Variants in CDC5L observed in about 807,000 individuals in gnomAD.
CDC5L encodes cell division cycle 5 like, also known as cell division cycle 5-like protein.
In CDC5L, 18 loss-of-function variants were observed where a neutral mutation model predicts 104.1. The ratio of observed to expected loss-of-function variants is 0.17; its 90% confidence interval spans 0.12 to 0.26. The LOEUF (loss-of-function observed/expected upper bound fraction) is 0.26, where lower values mean the gene tolerates loss of function less well. Ranked by LOEUF, CDC5L falls within the 10% of genes least tolerant of loss-of-function variation. The pLI, the probability that CDC5L is intolerant of heterozygous loss-of-function variation, is 1.00. For synonymous variants in CDC5L, 331 were observed against 322.7 expected (o/e 1.03, Z -0.28); for missense variants, 673 against 956.9 (o/e 0.70, Z 3.91).
Position 44,429,845 on chromosome 6 carries a change from C to A in CDC5L, c.2026C>A (p.Arg676Ser), listed in dbSNP as rs767195793. The A allele has an allele frequency of 6.2e-7, 1 of 1,613,970 alleles. No individual in the cohort carries two copies. The highest frequency in any genetic ancestry group is 8.5e-7 in the Non-Finnish European group (1 of 1,179,954). The change falls in exon 14 of 16, where the codon CGC (arginine) becomes AGC (serine). Residue 676 changes from arginine to serine, a missense_variant. This residue lies in a region of CDC5L where 578 missense variants were observed against 737.0 expected (regional missense o/e 0.78). Coordinates refer to ENST00000371477, the MANE Select transcript of CDC5L (RefSeq NM_001253.4). ...AGTTTTATATCTTCCTGGGCAGAGCCGCTACACACGGGCCAATCTGGCTAG... is the reference window on the plus strand; with the variant it reads ...AGTTTTATATCTTCCTGGGCAGAGCAGCTACACACGGGCCAATCTGGCTAG... ...SQVLYLPGQS[R>S]YTRANLASKK...
In CDC5L at chr6:44,404,138, A is replaced by G. The variant is rs1202904570; in HGVS notation, c.758+111A>G. 1.4e-5 allele frequency: 10 copies of G among 690,452 alleles called. 1 individual carries two copies. The highest frequency in any genetic ancestry group is 7.6e-5 in the African/African-American group (4 of 52,924). 42.8% of individuals were successfully genotyped at this position (690,452 alleles called of 1,614,324 possible). The stretch of plus-strand genomic sequence containing the variant: ...GATTTTTATTATTTATTTATTTTAC[A>G]TTTTTTAAAATCAATTTTTTTTTTG... On this transcript the variant is annotated intron_variant, in intron 6 of 15. Coordinates refer to ENST00000371477, the MANE Select transcript of CDC5L (RefSeq NM_001253.4).
intron 14 of CDC5L, among the ~76,000 whole-genome samples, chr6:44,437,547 T>G (rs1425065330): frequency 6.6e-6 from 1 of 152,220 alleles, no homozygotes; most frequent in Non-Finnish European, 1.5e-5. Flanking sequence ...GCCAGAAGAC[T>G]TGCAAAGCTT....
rs1952980 is a variant in CDC5L, at chr6:44,406,730, A to G, written c.903+263A>G. The stretch of plus-strand genomic sequence containing the variant: ...AAGACAGAAGGAGTTCCTGCCCAGC[A>G]TGGTGAAACCCTGTCTCTACTGAAA... On this transcript the variant is annotated intron_variant, in intron 7 of 15. Transcript: ENST00000371477. 0.99 allele frequency among the ~76,000 whole-genome samples: 151,105 copies of G among 152,272 alleles called. 74,984 individuals are homozygous for G. Among genetic ancestry groups the G allele is most frequent in the East Asian group, 1 (5,176 of 5,176 alleles).
chr6:44,426,345 A>G, intron 12 of CDC5L, 137 bp from the exon 13 acceptor site: 1 of 767,492 alleles, frequency 1.3e-6, no homozygotes, highest in South Asian at 1.9e-5. Context: ...CAGTAGTACC[A>G]GAAAGAATTT....
At position 44,410,970 on chromosome 6, in the gene CDC5L, G is replaced by A. The variant is rs116221280; in HGVS notation, c.1092+2338G>A. Among the ~76,000 whole-genome samples, 1,203 of 149,002 alleles carry A rather than the reference G, an allele frequency of 8.1e-3. 20 individuals are homozygous for A. Among genetic ancestry groups the A allele is most frequent in the African/African-American group, 0.028 (1,149 of 40,802 alleles). ...CAGTTTTTAATTTACTATCATATAT[G>A]TAATGTTTAAGAGCTTTTTAAAATT... On this transcript the variant is annotated intron_variant, in intron 8 of 15. Coordinates refer to ENST00000371477, the MANE Select transcript of CDC5L (RefSeq NM_001253.4).
chr6:44,446,228 G>C (rs1793448890), intron 15 of CDC5L, among the ~76,000 whole-genome samples: 1 of 152,192 alleles, frequency 6.6e-6, no homozygotes, highest in African/African-American at 2.4e-5. Flanking sequence ...ACCTTATGTT[G>C]CTGGGAACAT....
intron 1 of CDC5L, among the ~76,000 whole-genome samples, chr6:44,388,199 CAG>C (rs2153372720): frequency 7.1e-6 from 1 of 140,578 alleles, no homozygotes; most frequent in African/African-American, 2.6e-5. Context: ...CCAACTCAGC[CAG>C]AGTTGGTCCC....
At chr6:44,413,725 A>C (rs889682565) in intron 8 of CDC5L, among the ~76,000 whole-genome samples, 1 of 152,066 alleles carries the variant, frequency 6.6e-6, no homozygotes, top group Non-Finnish European at 1.5e-5. Context: ...CTGGTACTAC[A>C]GGCATGCACT....
intron 5 of CDC5L, among the ~76,000 whole-genome samples, chr6:44,401,070 C>G (rs1791100479): frequency 6.6e-6 from 1 of 152,208 alleles, no homozygotes; most frequent in Non-Finnish European, 1.5e-5. Context: ...CCCAACTTGC[C>G]TTTTACCAGA....
chr6:44,422,022 CA>C (rs1189750942), intron 9 of CDC5L, among the ~76,000 whole-genome samples: 1 of 151,902 alleles, frequency 6.6e-6, no homozygotes, highest in African/African-American at 2.4e-5. Flanking sequence ...AGGAAATAGG[CA>C]ACCAGGAAAA....
At chr6:44,423,653 A>G (rs1039104568) in intron 10 of CDC5L, among the ~76,000 whole-genome samples, 3 of 152,052 alleles carry the variant, frequency 2.0e-5, no homozygotes, top group African/African-American at 7.2e-5. Flanking sequence ...AGATATAGCA[A>G]CTCATCTGTT....
At chr6:44,426,285 C>A in intron 12 of CDC5L, 102 bp downstream of exon 12, 1 of 867,036 alleles carries the variant, frequency 1.2e-6, no homozygotes, top group Non-Finnish European at 1.8e-6. Flanking sequence ...ATTTCATCTA[C>A]TTTCTGGAAT....
chr6:44,413,779 C>T (rs1791772788), intron 8 of CDC5L, among the ~76,000 whole-genome samples: 1 of 152,052 alleles, frequency 6.6e-6, no homozygotes, highest in South Asian at 2.1e-4. Context: ...AGATGGGGGT[C>T]TCACTGTGTC....
At chr6:44,408,353 C>G in intron 7 of CDC5L, 91 bp from the exon 8 acceptor site, 8 of 983,276 alleles carry the variant, frequency 8.1e-6, no homozygotes, top group South Asian at 5.3e-5. Flanking sequence ...TTGCCCTCCT[C>G]GGCCTCCCAG....
chr6:44,399,624 C>G (rs1791027290), intron 5 of CDC5L, among the ~76,000 whole-genome samples: 1 of 152,152 alleles, frequency 6.6e-6, no homozygotes, highest in Non-Finnish European at 1.5e-5. Context: ...TTGAGCCTCT[C>G]TAGTGAAGTT....
At chr6:44,397,722 A>G (rs1233073897) in intron 5 of CDC5L, among the ~76,000 whole-genome samples, 1 of 152,246 alleles carries the variant, frequency 6.6e-6, no homozygotes, top group Non-Finnish European at 1.5e-5. Flanking sequence ...TTGGCTGAAC[A>G]AAGAGGGAAT....
In CDC5L at chr6:44,419,489, C is replaced by T; in HGVS notation, c.1133C>T (p.Pro378Leu). ...ATGGCCCTCACCAATGTGGACACCC[C>T]ATTGAAAGGTGGACTTAATACCCCA... ...NLMALTNVDT[P>L]LKGGLNTPLH... The change falls in exon 9 of 16, where the codon CCA (proline) becomes CTA (leucine). Residue 378 changes from proline (P) to leucine (L), a missense_variant. Pro to Leu is a moderately conservative substitution (Grantham distance 98). This residue lies in a region of CDC5L where 578 missense variants were observed against 737.0 expected (regional missense o/e 0.78). Coordinates refer to ENST00000371477, the MANE Select transcript of CDC5L (RefSeq NM_001253.4). 6.2e-7 allele frequency: 1 copy of T among 1,614,070 alleles called. No individual in the cohort carries two copies. The highest frequency in any genetic ancestry group is 8.5e-7 in the Non-Finnish European group (1 of 1,179,930).
intron 10 of CDC5L, among the ~76,000 whole-genome samples, chr6:44,423,609 A>T (rs909338261): frequency 6.6e-6 from 1 of 152,186 alleles, no homozygotes; most frequent in Non-Finnish European, 1.5e-5. Context: ...TCTCAGATGG[A>T]GACTACAATA....
chr6:44,436,099 G>A (rs1201429959), intron 14 of CDC5L, among the ~76,000 whole-genome samples: 2 of 152,052 alleles, frequency 1.3e-5, no homozygotes, highest in African/African-American at 2.4e-5. Flanking sequence ...TTTATTTGAT[G>A]GAAGCATGAG....
Sources: gnomAD v4.1 joint callset for allele counts (sites outside exome capture counted in the v4.1 genomes callset) on GRCh38, gnomAD v4.1.1 for gene constraint, gnomAD v4.1.1 regional missense constraint, MANE v1.5 for transcripts, NCBI Gene and HGNC (gene_info 2026-07-23, HGNC 2026-07-21) for gene names.